AQP3: variants seen among roughly 807,000 people sequenced by gnomAD.
The protein encoded by AQP3 is aquaporin-3.
In AQP3, 15 loss-of-function variants were observed where a neutral mutation model predicts 30.3. The observed-to-expected ratio is 0.49, with a 90% confidence interval of 0.33 to 0.76. The LOEUF (loss-of-function observed/expected upper bound fraction) is 0.76, where lower values mean the gene tolerates loss of function less well. Ranked by LOEUF, AQP3 falls within the 30% of genes least tolerant of loss-of-function variation. The pLI, the probability that AQP3 is intolerant of heterozygous loss-of-function variation, is 0.02. For missense variants in AQP3, 272 were observed against 384.8 expected (o/e 0.71, Z 2.45); for synonymous variants, 153 against 163.2 (o/e 0.94, Z 0.47).
rs1463861044 is a variant in AQP3 at position 33,443,578 on chromosome 9, C to G, written c.236-120G>C. The stretch of plus-strand genomic sequence containing the variant: ...ACAGGATGGCGGTTGGTCTATGTAA[C>G]AGGTCAGCTGATAATCTCTGATTCC... On this transcript the variant is annotated intron_variant, in intron 2 of 5. Transcript: ENST00000297991. This position sits in a 1 kb window ranked among gnomAD's most constrained non-coding sequence, Gnocchi z 5.0. The G allele has an allele frequency of 1.4e-6, 2 of 1,461,852 alleles. No homozygotes were observed. The highest frequency in any genetic ancestry group is 1.9e-6 in the Non-Finnish European group (2 of 1,070,968). 90.6% of individuals were successfully genotyped at this position (1,461,852 alleles called of 1,614,324 possible).
intron 1 of AQP3, among the ~76,000 whole-genome samples, chr9:33,445,295 G>C (rs1826898952): frequency 6.6e-6 from 1 of 152,140 alleles, no homozygotes; most frequent in Non-Finnish European, 1.5e-5. Context: ...CATAACTAAA[G>C]GTTTTATGCC....
chr9:33,443,489 T>C lies in AQP3; in HGVS notation c.236-31A>G, dbSNP rs767205817. The C allele has an allele frequency of 5.0e-6, 8 of 1,607,060 alleles. No individual in the cohort carries two copies. The highest frequency in any genetic ancestry group is 6.8e-6 in the Non-Finnish European group (8 of 1,177,084). ...CAGAGGGGACAAGGGACCTATTAGC[T>C]GCAGCCTGCCACAGTCGGCAGGCTA... is the stretch of plus-strand genomic sequence containing the variant. On this transcript the variant is annotated intron_variant, in intron 2 of 5. Transcript: ENST00000297991. This position sits in a 1 kb window ranked among gnomAD's most constrained non-coding sequence, Gnocchi z 5.0.
chr9:33,447,503 G>C lies in AQP3; in HGVS notation c.28C>G (p.Arg10Gly). The change falls in exon 1 of 6, where the codon CGC (arginine) becomes GGC (glycine). Residue 10 changes from arginine (R) to glycine (G), a missense_variant. By Grantham distance (125) the Arg-to-Gly change is moderately radical. This residue lies in a region of AQP3 where 51 missense variants were observed against 46.5 expected (regional missense o/e 1.10). Transcript: ENST00000297991. Reference protein sequence around the residue: MGRQKELVSRCGEMLHIRYR... With the variant: MGRQKELVSGCGEMLHIRYR... The stretch of plus-strand genomic sequence containing the variant: ...CGGATGTGGAGCATCTCCCCGCAGC[G>C]GGACACCAGCTCCTTCTGTCGACCC... 1 of 1,609,120 alleles carries C rather than the reference G, an allele frequency of 6.2e-7. No homozygotes were observed. Among genetic ancestry groups the C allele is most frequent in the Non-Finnish European group, 8.5e-7 (1 of 1,178,148 alleles).
Position 33,442,293 on chromosome 9 carries a change from G to A in AQP3, c.710+8C>T, listed in dbSNP as rs1442575313. 3 of 1,612,240 alleles carry A rather than the reference G, an allele frequency of 1.9e-6. No individual in the cohort carries two copies. Among genetic ancestry groups the A allele is most frequent in the Non-Finnish European group, 2.5e-6 (3 of 1,179,374 alleles). On this transcript the variant is annotated splice_region_variant and intron_variant, in intron 5 of 5. Transcript: ENST00000297991. ...GGCTGGGGTGAGCTGGGTGGGGGCTGTACTCACGTGAAGACTGCAGAGCCC... is the reference window on the plus strand; with the variant it reads ...GGCTGGGGTGAGCTGGGTGGGGGCTATACTCACGTGAAGACTGCAGAGCCC...
chr9:33,443,980 G>A lies in AQP3; in HGVS notation c.109-88C>T, dbSNP rs1220888902. The A allele has an allele frequency of 6.6e-6, 10 of 1,513,900 alleles. No homozygotes were observed. The Admixed American group carries it at 9.0e-5, about 14-fold the overall frequency. 93.8% of individuals were successfully genotyped at this position (1,513,900 alleles called of 1,614,324 possible). A position where few individuals can be genotyped will look rare whatever the true frequency, so the allele number is the denominator to read the frequency against. On this transcript the variant is annotated intron_variant, in intron 1 of 5. Coordinates refer to ENST00000297991, the MANE Select transcript of AQP3 (RefSeq NM_004925.5). The surrounding 1 kb of genome is among the most constrained non-coding windows in gnomAD (Gnocchi z 5.0). ...GGTGAAGCCAGCAACATGCCCACTC[G>A]CCACCACTGGGAGGACTAGAGGCGC...
intron 4 of AQP3, 73 bp downstream of exon 4, chr9:33,442,779 C>T: frequency 6.9e-7 from 1 of 1,444,020 alleles, no homozygotes; most frequent in Non-Finnish European, 9.8e-7. Flanking sequence ...GTCCTGTCCC[C>T]CAACCAGCCC....
In AQP3 at chr9:33,443,555, A is replaced by C. The variant is rs1339877540; in HGVS notation, c.236-97T>G. The stretch of plus-strand genomic sequence containing the variant: ...GGGTGCAGAGAGGGGTTTCTTGCAC[A>C]GGATGGCGGTTGGTCTATGTAACAG... On this transcript the variant is annotated intron_variant, in intron 2 of 5. Coordinates refer to ENST00000297991, the MANE Select transcript of AQP3 (RefSeq NM_004925.5). The surrounding 1 kb of genome is among the most constrained non-coding windows in gnomAD (Gnocchi z 5.0). 6.6e-7 allele frequency: 1 copy of C among 1,511,678 alleles called. No individual in the cohort carries two copies. The highest frequency in any genetic ancestry group is 9.0e-7 in the Non-Finnish European group (1 of 1,111,806). The allele number at this position is 1,511,678 out of a possible 1,614,324, so 93.6% of individuals were successfully genotyped here. A position where few individuals can be genotyped will look rare whatever the true frequency, so the allele number is the denominator to read the frequency against.
Position 33,442,514 on chromosome 9 carries a change from A to G in AQP3, c.497T>C (p.Ile166Thr), listed in dbSNP as rs761988397. ...ACACACGATAAGGGAGGCTGTGCCT[A>G]TGAACTGGGGAGTGGGGAGAACAGG... ...DMINGFFDQF[I>T]GTASLIVCVL... The change falls in exon 5 of 6, where the codon ATA (isoleucine) becomes ACA (threonine). Residue 166 changes from isoleucine (I) to threonine (T), a missense_variant. Ile to Thr is a moderately conservative substitution (Grantham distance 89). Coordinates refer to ENST00000297991, the MANE Select transcript of AQP3 (RefSeq NM_004925.5). 6 of 1,605,034 alleles carry G rather than the reference A, an allele frequency of 3.7e-6. No homozygotes were observed. The Admixed American group carries it at 6.9e-5, about 19-fold the overall frequency.
At chr9:33,446,480 A>G (rs1826915343) in intron 1 of AQP3, among the ~76,000 whole-genome samples, 1 of 152,200 alleles carries the variant, frequency 6.6e-6, no homozygotes, top group Admixed American at 6.5e-5. Context: ...GCAACTGAAC[A>G]CAGAGGAAAA....
chr9:33,446,020 C>T (rs535603198), intron 1 of AQP3, among the ~76,000 whole-genome samples: 4 of 152,190 alleles, frequency 2.6e-5, no homozygotes, highest in African/African-American at 7.2e-5. Context: ...GGAGGACTAA[C>T]GGCTCCTTTG....
At position 33,442,102 on chromosome 9, in the gene AQP3, G is replaced by T. The variant is rs1563866172; in HGVS notation, c.820C>A (p.Pro274Thr). ...TTCACATTCTCTTCCTCGTTGGAGG[G>T]TGGGGGCTGCTCCAGGTGGCAGCCG... ...MIGCHLEQPP[P>T]SNEEENVKLA... Residue 274 changes from proline (P) to threonine (T), a missense_variant, in exon 6 of 6, where the codon CCC becomes ACC. Around this residue, in one of 3 missense-constraint regions of AQP3, gnomAD observed 51 missense variants for 51.8 expected, o/e 0.98. Coordinates refer to ENST00000297991, the MANE Select transcript of AQP3 (RefSeq NM_004925.5). 1.2e-6 allele frequency: 2 copies of T among 1,613,920 alleles called. No homozygotes were observed. The highest frequency in any genetic ancestry group is 1.1e-5 in the South Asian group (1 of 91,090).
At position 33,442,307 on chromosome 9, in the gene AQP3, A is replaced by G. The variant is rs1160084548; in HGVS notation, c.704T>C (p.Val235Ala). ...GGGTGGGGGCTGTACTCACGTGAAG[A>G]CTGCAGAGCCCCAGCCCGCAAGGGC... Reference protein sequence around the residue: ...FTALAGWGSAVFTTGQHWWWV... With the variant: ...FTALAGWGSAAFTTGQHWWWV... Residue 235 changes from valine (V) to alanine (A), a missense_variant, in exon 5 of 6, where the codon GTC becomes GCC. Physicochemically the swap from Val to Ala is moderately conservative, Grantham distance 64. Around this residue, in one of 3 missense-constraint regions of AQP3, gnomAD observed 170 missense variants for 286.4 expected, o/e 0.59. Coordinates refer to ENST00000297991, the MANE Select transcript of AQP3 (RefSeq NM_004925.5). 1 of 1,612,682 alleles carries G rather than the reference A, an allele frequency of 6.2e-7. No homozygotes were observed. The highest frequency in any genetic ancestry group is 1.3e-5 in the African/African-American group (1 of 74,910).
rs768600882 is a variant in AQP3, at chr9:33,442,181, G to A, written c.741C>T (p.Ile247=). ...CAATGGAGCCCAGGAGTGGGGACAC[G>A]ATGGGCACCCACCACCAATGCTGGC... ...TTGQHWWWVP[I]VSPLLGSIAG... is the part of the protein sequence containing the mutation. The change falls in exon 6 of 6, where the codon ATC becomes ATT. Residue 247 remains isoleucine (I), a synonymous_variant. Transcript: ENST00000297991. 2.2e-5 allele frequency: 36 copies of A among 1,612,888 alleles called. No homozygotes were observed. The East Asian group carries it at 3.3e-4, about 15-fold the overall frequency.
In AQP3 at chr9:33,447,568, T is replaced by C; in HGVS notation, c.-38A>G. ...GGCGGCGCTGTCGGGCGGGCAGGGGTGGCGGGAGGCGGTGGCGCAGCGAGC... is the reference window on the plus strand; with the variant it reads ...GGCGGCGCTGTCGGGCGGGCAGGGGCGGCGGGAGGCGGTGGCGCAGCGAGC... On this transcript the variant is annotated 5_prime_UTR_variant, in exon 1 of 6. Coordinates refer to ENST00000297991, the MANE Select transcript of AQP3 (RefSeq NM_004925.5). 1 of 1,501,458 alleles carries C rather than the reference T, an allele frequency of 6.7e-7. No individual in the cohort carries two copies. The highest frequency in any genetic ancestry group is 9.1e-7 in the Non-Finnish European group (1 of 1,101,150). The allele number at this position is 1,501,458 out of a possible 1,614,324, so 93.0% of individuals were successfully genotyped here.
At chr9:33,444,976 A>C (rs1183597406) in intron 1 of AQP3, among the ~76,000 whole-genome samples, 1 of 152,064 alleles carries the variant, frequency 6.6e-6, no homozygotes, top group East Asian at 1.9e-4. Context: ...GAACTAAAAG[A>C]GACTAAGAGC....
chr9:33,444,005 CT>C, intron 1 of AQP3, 113 bp from the exon 2 acceptor site: 1 of 1,355,874 alleles, frequency 7.4e-7, no homozygotes, highest in Middle Eastern at 2.6e-4. Context: ...ACTAGAGGCG[CT>C]TCCTGGAACC....
Position 33,447,406 on chromosome 9 carries a change from C to A in AQP3, c.108+17G>T. The stretch of plus-strand genomic sequence containing the variant: ...AGGGCTGGAGAGAGAAGGGCTTCCC[C>A]GGCTCCCTCCACTCACCACCAGGAT... On this transcript the variant is annotated intron_variant, in intron 1 of 5. Coordinates refer to ENST00000297991, the MANE Select transcript of AQP3 (RefSeq NM_004925.5). The A allele has an allele frequency of 6.4e-7, 1 of 1,571,990 alleles. No homozygotes were observed. The highest frequency in any genetic ancestry group is 2.3e-5 in the East Asian group (1 of 43,124).
At position 33,447,484 on chromosome 9, in the gene AQP3, T is replaced by C. The variant is rs1348741263; in HGVS notation, c.47A>G (p.His16Arg). 6.2e-7 allele frequency: 1 copy of C among 1,610,622 alleles called. No homozygotes were observed. The change falls in exon 1 of 6, where the codon CAC (histidine) becomes CGC (arginine). Residue 16 changes from histidine (H) to arginine (R), a missense_variant. Physicochemically the swap from His to Arg is conservative, Grantham distance 29 (BLOSUM62 0). Transcript: ENST00000297991. Reference protein sequence around the residue: ...ELVSRCGEMLHIRYRLLRQAL... With the variant: ...ELVSRCGEMLRIRYRLLRQAL... ...CTGTCGGAGCAGCCGGTAGCGGATG[T>C]GGAGCATCTCCCCGCAGCGGGACAC... is the stretch of plus-strand genomic sequence containing the variant.
At chr9:33,447,207 T>G (rs1017377432) in intron 1 of AQP3, among the ~76,000 whole-genome samples, 4 of 152,166 alleles carry the variant, frequency 2.6e-5, no homozygotes, top group African/African-American at 9.7e-5. Flanking sequence ...GTAACAGCTG[T>G]CATTCTGGCA....
Sources: allele counts gnomAD v4.1 joint callset (sites outside exome capture counted in the v4.1 genomes callset), GRCh38; gene constraint gnomAD v4.1.1; regional missense constraint gnomAD v4.1.1; non-coding constraint Gnocchi (gnomAD v3.1); transcripts MANE v1.5; gene names NCBI Gene and HGNC (gene_info 2026-07-23, HGNC 2026-07-21).